The following SDHAF3 variants were observed in gnomAD, a reference collection of about 807,000 sequenced individuals.
SDHAF3 encodes the protein succinate dehydrogenase assembly factor 3, mitochondrial.
In SDHAF3, 18 loss-of-function variants were observed where a neutral mutation model predicts 11.5. The ratio of observed to expected loss-of-function variants is 1.56; its 90% CI spans 1.08 to 2.32. SDHAF3 has a LOEUF of 2.32. Ranked by LOEUF, SDHAF3 falls within the 30% of genes most tolerant of loss-of-function variation. SDHAF3 has a pLI of 0.00. For missense variants in SDHAF3, 200 were observed against 154.4 expected (o/e 1.30, Z -1.57); for synonymous variants, 72 against 59.3 (o/e 1.21, Z -0.99).
chr7:97,161,538 C>T (rs1789409356), intron 1 of SDHAF3, among the ~76,000 whole-genome samples: 1 of 152,090 alleles, frequency 6.6e-6, no homozygotes, highest in Non-Finnish European at 1.5e-5. Context: ...CACCCATCAA[C>T]CCGTCACCTA....
intron 1 of SDHAF3, among the ~76,000 whole-genome samples, chr7:97,124,964 T>G (rs1352082937): frequency 6.6e-6 from 1 of 152,192 alleles, no homozygotes; most frequent in East Asian, 1.9e-4. Flanking sequence ...CCTCTCTTCT[T>G]ATTTGAATAC....
intron 1 of SDHAF3, among the ~76,000 whole-genome samples, chr7:97,148,708 G>A (rs894930623): frequency 6.6e-6 from 1 of 151,982 alleles, no homozygotes; most frequent in Non-Finnish European, 1.5e-5. Context: ...TAGTTCTTTT[G>A]TTAACAGTCT....
rs1338070881 is a variant in SDHAF3, at chr7:97,181,679, C to G, written c.*464C>G. The G allele has an allele frequency of 1.9e-5, 3 of 154,360 alleles. No homozygotes were observed. The highest frequency in any genetic ancestry group is 7.2e-5 in the African/African-American group (3 of 41,440). The allele number at this position is 154,360 out of a possible 1,614,324, so 9.6% of individuals were successfully genotyped here. A position where few individuals can be genotyped will look rare whatever the true frequency, so the allele number is the denominator to read the frequency against. On this transcript the variant is annotated 3_prime_UTR_variant, in exon 2 of 2. Coordinates refer to ENST00000432641, the MANE Select transcript of SDHAF3 (RefSeq NM_020186.3). Reference sequence around the variant, plus strand: ...TGTCTCTTCTCCCTGCATCACTGTTCATTCACAATGAAAGGTTAGGAAGAA... The same window carrying G: ...TGTCTCTTCTCCCTGCATCACTGTTGATTCACAATGAAAGGTTAGGAAGAA...
At chr7:97,180,837 T>C (rs1789759778) in intron 1 of SDHAF3, among the ~76,000 whole-genome samples, 175 bp from the exon 2 acceptor site, 2 of 152,180 alleles carry the variant, frequency 1.3e-5, no homozygotes, top group Admixed American at 1.3e-4. Context: ...AAAATAGATA[T>C]ACATGAAATG....
intron 1 of SDHAF3, among the ~76,000 whole-genome samples, chr7:97,120,424 G>T (rs1791473470): frequency 6.6e-6 from 1 of 151,874 alleles, no homozygotes; most frequent in South Asian, 2.1e-4. Context: ...TGATTGGAGG[G>T]GAGAAAAACC....
intron 1 of SDHAF3, among the ~76,000 whole-genome samples, chr7:97,168,428 T>C (rs1360542125): frequency 6.6e-6 from 1 of 152,226 alleles, no homozygotes; most frequent in Admixed American, 6.5e-5. Flanking sequence ...GATTGTGTTA[T>C]ATTTGTTTAA....
chr7:97,125,336 G>A (rs182782130), intron 1 of SDHAF3, among the ~76,000 whole-genome samples: 7 of 152,100 alleles, frequency 4.6e-5, no homozygotes, highest in East Asian at 1.9e-4. Flanking sequence ...AATTTTAGGC[G>A]TTTCTCACTT....
At chr7:97,153,176 A>G (rs1789252000) in intron 1 of SDHAF3, among the ~76,000 whole-genome samples, 1 of 152,214 alleles carries the variant, frequency 6.6e-6, no homozygotes, top group Non-Finnish European at 1.5e-5. Context: ...TGATTAGGTC[A>G]TATCTCTTTT....
At chr7:97,136,328 C>A (rs11971050) in intron 1 of SDHAF3, 4 of 520,126 alleles carry the variant, frequency 7.7e-6, no homozygotes, top group Non-Finnish European at 1.4e-5. Context: ...GAATTATCAA[C>A]CTGTAATTTG....
intron 1 of SDHAF3, among the ~76,000 whole-genome samples, chr7:97,122,869 G>A (rs971748636): frequency 6.6e-6 from 1 of 151,888 alleles, no homozygotes; most frequent in African/African-American, 2.4e-5. Flanking sequence ...TTAACATTTA[G>A]GAGTTAAGAG....
At chr7:97,144,930 TC>T in intron 1 of SDHAF3, among the ~76,000 whole-genome samples, 1 of 151,610 alleles carries the variant, frequency 6.6e-6, no homozygotes, top group Admixed American at 6.6e-5. Flanking sequence ...ATGTTACCCA[TC>T]CATGTGCATG....
chr7:97,134,486 T>C (rs938726093), intron 1 of SDHAF3, among the ~76,000 whole-genome samples: 7 of 152,138 alleles, frequency 4.6e-5, no homozygotes, highest in African/African-American at 9.7e-5. Context: ...TTGCTGTGTC[T>C]CCCAGGCTGG....
intron 1 of SDHAF3, among the ~76,000 whole-genome samples, chr7:97,172,029 A>G (rs1005053061): frequency 7.2e-5 from 11 of 151,912 alleles, no homozygotes; most frequent in African/African-American, 2.4e-4. Context: ...TTTCCCTTTC[A>G]TTTAGTTACT....
intron 1 of SDHAF3, among the ~76,000 whole-genome samples, chr7:97,127,100 C>G (rs2115626395): frequency 6.6e-6 from 1 of 152,324 alleles, no homozygotes; most frequent in Admixed American, 6.5e-5. Context: ...ACACCCCATG[C>G]TGCTTCTGCT....
At chr7:97,151,031 A>G (rs1182667248) in intron 1 of SDHAF3, among the ~76,000 whole-genome samples, 1 of 152,174 alleles carries the variant, frequency 6.6e-6, no homozygotes, top group Non-Finnish European at 1.5e-5. Flanking sequence ...AGGAAAGCAC[A>G]GAGATTTTCC....
At chr7:97,139,082 A>C (rs1788986828) in intron 1 of SDHAF3, among the ~76,000 whole-genome samples, 1 of 152,180 alleles carries the variant, frequency 6.6e-6, no homozygotes, top group Non-Finnish European at 1.5e-5. Context: ...GCTGCATCTC[A>C]CTGCATGGGG....
At chr7:97,143,924 G>C (rs1312062813) in intron 1 of SDHAF3, among the ~76,000 whole-genome samples, 2 of 152,176 alleles carry the variant, frequency 1.3e-5, no homozygotes, top group Non-Finnish European at 2.9e-5. Flanking sequence ...GTTTTCCATA[G>C]TGGCTGTACT....
chr7:97,141,550 G>A (rs760925356), intron 1 of SDHAF3, among the ~76,000 whole-genome samples: 3 of 152,008 alleles, frequency 2.0e-5, no homozygotes, highest in Non-Finnish European at 2.9e-5. Flanking sequence ...ATGAAATATC[G>A]GGGGTGAATT....
intron 1 of SDHAF3, among the ~76,000 whole-genome samples, chr7:97,124,474 C>T (rs1363176156): frequency 1.3e-5 from 2 of 152,084 alleles, no homozygotes; most frequent in Non-Finnish European, 2.9e-5. Flanking sequence ...CTTGGCTATG[C>T]GGGCTCCTTT....
Sources: allele counts gnomAD v4.1 joint callset (sites outside exome capture counted in the v4.1 genomes callset), GRCh38; gene constraint gnomAD v4.1.1; transcripts MANE v1.5; gene names NCBI Gene and HGNC (gene_info 2026-07-23, HGNC 2026-07-21).